The following RUFY1 variants were observed in gnomAD, a reference collection of about 807,000 sequenced individuals.
RUFY1 encodes RUN and FYVE domain-containing protein 1.
A neutral mutation model predicts 94.6 loss-of-function variants in RUFY1; 54 were observed. The observed-to-expected ratio is 0.57, with a 90% confidence interval of 0.46 to 0.72. The LOEUF is 0.72. RUFY1 is among the 30% of genes least tolerant of loss of function. RUFY1 has a pLI of 0.00. For synonymous variants in RUFY1, 396 were observed against 347.3 expected (o/e 1.14, Z -1.56); for missense variants, 883 against 883.9 (o/e 1.00, Z 0.01).
chr5:179,584,861 C>T (rs959259252), intron 7 of RUFY1, among the ~76,000 whole-genome samples: 17 of 152,242 alleles, frequency 1.1e-4, no homozygotes, highest in Admixed American at 5.2e-4. Flanking sequence ...TGGGACCGGG[C>T]GCAGTGGCTC....
At position 179,601,935 on chromosome 5, in the gene RUFY1, T is replaced by A. The variant is rs779939210; in HGVS notation, c.1805T>A (p.Ile602Asn). 6.2e-7 allele frequency: 1 copy of A among 1,612,712 alleles called. No individual in the cohort carries two copies. Among genetic ancestry groups the A allele is most frequent in the Non-Finnish European group, 8.5e-7 (1 of 1,179,614 alleles). ...GACGAGAAGGCAGAGCTGCAGAAGA[T>A]CTGCGAGGAGCAGGAACAAGCCCTC... Reference protein sequence around the residue: ...LQDEKAELQKICEEQEQALQE... With the variant: ...LQDEKAELQKNCEEQEQALQE... Residue 602 changes from isoleucine (I) to asparagine (N), a missense_variant, in exon 15 of 18, where the codon ATC becomes AAC. Transcript: ENST00000319449.
rs1440155448 is a variant in RUFY1, at chr5:179,577,110, T to A, written c.864T>A (p.Asp288Glu). 1 of 1,602,402 alleles carries A rather than the reference T, an allele frequency of 6.2e-7. No individual in the cohort carries two copies. The highest frequency in any genetic ancestry group is 1.7e-5 in the Admixed American group (1 of 59,654). The change falls in exon 6 of 18, where the codon GAT (aspartate) becomes GAA (glutamate). Residue 288 changes from aspartate to glutamate, a missense_variant. Coordinates refer to ENST00000319449, the MANE Select transcript of RUFY1 (RefSeq NM_025158.5). ...TAGATTTTTCCCTCTACCTTAAGGATGTGCAGGATCTTGATGGTGGCAAGG... is the reference window on the plus strand; with the variant it reads ...TAGATTTTTCCCTCTACCTTAAGGAAGTGCAGGATCTTGATGGTGGCAAGG... ...GVIDFSLYLK[D>E]VQDLDGGKEH...
chr5:179,592,826 T>C (rs571014351), intron 10 of RUFY1, among the ~76,000 whole-genome samples: 1 of 152,292 alleles, frequency 6.6e-6, no homozygotes, highest in East Asian at 1.9e-4. Context: ...AATTCTAACA[T>C]TGCACTATCA....
chr5:179,597,168 T>G (rs536578497), intron 13 of RUFY1, among the ~76,000 whole-genome samples: 1 of 152,306 alleles, frequency 6.6e-6, no homozygotes, highest in East Asian at 1.9e-4. Context: ...TTCTTGTGCC[T>G]CAGCCTCCTG....
intron 14 of RUFY1, among the ~76,000 whole-genome samples, chr5:179,599,031 A>C (rs187045309): frequency 6.6e-6 from 1 of 152,364 alleles, no homozygotes; most frequent in African/African-American, 2.4e-5. Context: ...GATAGAGGCA[A>C]GTGCCATGAA....
chr5:179,560,585 G>C (rs1487811311), intron 2 of RUFY1, among the ~76,000 whole-genome samples: 6 of 151,466 alleles, frequency 4.0e-5, no homozygotes, highest in Non-Finnish European at 7.4e-5. Flanking sequence ...AATTAGCTGG[G>C]CGTGGTAGCG....
At chr5:179,562,785 C>T (rs1195826733) in intron 3 of RUFY1, 121 bp downstream of exon 3, 2 of 664,856 alleles carry the variant, frequency 3.0e-6, no homozygotes, top group African/African-American at 3.6e-5. Flanking sequence ...GCTCATTATC[C>T]ACATGATCTC....
intron 1 of RUFY1, chr5:179,559,810 T>C: frequency 1.5e-6 from 2 of 1,322,098 alleles, no homozygotes; most frequent in Non-Finnish European, 1.9e-6. Context: ...CCAGTGGCTC[T>C]TCTGACCCAA....
chr5:179,570,799 G>A (rs1479496833), intron 5 of RUFY1, among the ~76,000 whole-genome samples: 4 of 151,016 alleles, frequency 2.6e-5, no homozygotes, highest in South Asian at 2.1e-4. Context: ...AAAAAAGTTC[G>A]ATTGTCTTTG....
chr5:179,608,533 T>G (rs1182992700), intron 17 of RUFY1: 2 of 985,360 alleles, frequency 2.0e-6, no homozygotes, highest in African/African-American at 3.5e-5. Context: ...TCCACCCCCT[T>G]GGAATGCAGC....
chr5:179,593,640 G>C lies in RUFY1; in HGVS notation c.1408G>C (p.Ala470Pro), dbSNP rs1402429000. The C allele has an allele frequency of 1.2e-6, 2 of 1,613,598 alleles. No individual in the cohort carries two copies. The highest frequency in any genetic ancestry group is 3.3e-5 in the Admixed American group (2 of 59,984). Reference protein sequence around the residue: ...KAINLQMFHKAQNAESSLQQK... With the variant: ...KAINLQMFHKPQNAESSLQQK... ...GATTAATTTACAGATGTTTCACAAA[G>C]CTCAGGTGGGAGTTGGCTTTGTGTC... is the stretch of plus-strand genomic sequence containing the variant. The change falls in exon 11 of 18, where the codon GCT becomes CCT. Residue 470 changes from alanine (A) to proline (P), a missense_variant. Physicochemically the swap from Ala to Pro is conservative, Grantham distance 27. Transcript: ENST00000319449.
chr5:179,583,662 C>A lies in RUFY1; in HGVS notation c.957-2134C>A, dbSNP rs140609425. On this transcript the variant is annotated intron_variant, in intron 7 of 17. Transcript: ENST00000319449. Reference sequence around the variant, plus strand: ...CGATCTCCTGACCACGTGATCCGCCCGCCTCGGCCTCCCAAAGTGCTGGGA... The same window carrying A: ...CGATCTCCTGACCACGTGATCCGCCAGCCTCGGCCTCCCAAAGTGCTGGGA... 0.01 allele frequency among the ~76,000 whole-genome samples: 1,551 copies of A among 151,192 alleles called. 71 individuals carry two copies. The East Asian group carries it at 0.15, about 14-fold the overall frequency.
Position 179,569,712 on chromosome 5 carries a change from G to A in RUFY1, c.828+287G>A, listed in dbSNP as rs575705625. Among the ~76,000 whole-genome samples the A allele has an allele frequency of 1.6e-4, 25 of 152,186 alleles. No individual in the cohort carries two copies. The East Asian group carries it at 3.1e-3, about 19-fold the overall frequency. ...AAGTGGAGGCTGGGCCTGATAGTTAGGCCATTGGTGCTATGCTGAAGGGTG... is the reference window on the plus strand; with the variant it reads ...AAGTGGAGGCTGGGCCTGATAGTTAAGCCATTGGTGCTATGCTGAAGGGTG... On this transcript the variant is annotated intron_variant, in intron 5 of 17. Coordinates refer to ENST00000319449, the MANE Select transcript of RUFY1 (RefSeq NM_025158.5).
intron 12 of RUFY1, among the ~76,000 whole-genome samples, chr5:179,595,362 A>G (rs955031158): frequency 4.6e-5 from 7 of 152,116 alleles, no homozygotes; most frequent in Non-Finnish European, 8.8e-5. Flanking sequence ...CTTCATCTCA[A>G]AACAAAACAA....
chr5:179,567,429 C>T (rs771874075), intron 3 of RUFY1, 32 bp from the exon 4 acceptor site: 1 of 1,520,212 alleles, frequency 6.6e-7, no homozygotes. Context: ...TGTTGTTATG[C>T]CACAATAGTT....
intron 16 of RUFY1, 128 bp from the exon 17 acceptor site, chr5:179,607,454 T>A: frequency 1.3e-6 from 1 of 768,572 alleles, no homozygotes; most frequent in Non-Finnish European, 2.3e-6. Flanking sequence ...AGGCCCCATC[T>A]GATGGAGAAA....
At chr5:179,591,890 C>A in intron 10 of RUFY1, 149 bp downstream of exon 10, 1 of 488,208 alleles carries the variant, frequency 2.0e-6, no homozygotes, top group Non-Finnish European at 3.6e-6. Flanking sequence ...TCTATGGTTA[C>A]AACTCAGTTG....
chr5:179,587,743 T>G (rs759698040), intron 8 of RUFY1, among the ~76,000 whole-genome samples: 9 of 151,498 alleles, frequency 5.9e-5, no homozygotes, highest in Non-Finnish European at 1.3e-4. Flanking sequence ...ATAGAAAATG[T>G]GCTTCAGGCA....
At chr5:179,591,473 T>C (rs996250753) in intron 9 of RUFY1, 152 bp from the exon 10 acceptor site, 26 of 582,068 alleles carry the variant, frequency 4.5e-5, no homozygotes, top group South Asian at 6.0e-5. Flanking sequence ...CGTGAGCCAA[T>C]GCGCCCAGCC....
Sources: allele counts gnomAD v4.1 joint callset (sites outside exome capture counted in the v4.1 genomes callset), GRCh38; gene constraint gnomAD v4.1.1; transcripts MANE v1.5; gene names NCBI Gene and HGNC (gene_info 2026-07-23, HGNC 2026-07-21).